Variants in GAL3ST1 observed in about 807,000 individuals in gnomAD.
GAL3ST1 encodes the protein galactosylceramide sulfotransferase.
GAL3ST1 carries 13 observed loss-of-function variants against 25.0 expected under a neutral mutation model. That is an observed-to-expected ratio of 0.52 (90% CI 0.34 to 0.83). GAL3ST1 has a LOEUF of 0.83. GAL3ST1 is among the 40% of genes least tolerant of loss of function. The pLI, the probability that GAL3ST1 is intolerant of heterozygous loss-of-function variation, is 0.02. For synonymous variants in GAL3ST1, 274 were observed against 277.8 expected, an observed-to-expected ratio of 0.99 and a Z score of 0.14; for missense variants, 474 against 613.6, an observed-to-expected ratio of 0.77 and a Z score of 2.40.
At chr22:30,570,172 C>T (rs1194671990) in intron 1 of GAL3ST1, among the ~76,000 whole-genome samples, 3 of 152,228 alleles carry the variant, frequency 2.0e-5, no homozygotes, top group Non-Finnish European at 4.4e-5. Flanking sequence ...GAACAGGGCT[C>T]TGGCAGAGAA....
intron 1 of GAL3ST1, among the ~76,000 whole-genome samples, chr22:30,559,953 T>A (rs978412140): frequency 6.6e-6 from 1 of 152,200 alleles, no homozygotes; most frequent in Non-Finnish European, 1.5e-5. Flanking sequence ...AATAACTACA[T>A]GCATGCATTA....
chr22:30,559,106 C>T lies in GAL3ST1; in HGVS notation c.-119-718G>A, dbSNP rs1384052891. On this transcript the variant is annotated intron_variant, in intron 1 of 3. Coordinates refer to ENST00000406361, the MANE Select transcript of GAL3ST1 (RefSeq NM_001318104.2). ...CCAGGAGGTAGAGGTTGCAGTGAGC[C>T]AAGATGGTGCCACTGTATTCCTGCC... Among the ~76,000 whole-genome samples the T allele has an allele frequency of 4.0e-5, 6 of 151,524 alleles. 1 individual carries two copies. The highest frequency in any genetic ancestry group is 7.4e-5 in the Non-Finnish European group (5 of 67,902).
At position 30,554,682 on chromosome 22, in the gene GAL3ST1, T is replaced by G; in HGVS notation, c.*271A>C. 4.0e-6 allele frequency: 1 copy of G among 247,578 alleles called. No homozygotes were observed. 15.3% of individuals were successfully genotyped at this position (247,578 alleles called of 1,614,324 possible). A position where few individuals can be genotyped will look rare whatever the true frequency, so the allele number is the denominator to read the frequency against. On this transcript the variant is annotated 3_prime_UTR_variant, in exon 4 of 4. Coordinates refer to ENST00000406361, the MANE Select transcript of GAL3ST1 (RefSeq NM_001318104.2). ...TTCCTTTACTTCTGAGGTCTCCCCT[T>G]TAAGGGGAGGCAGAAATAGAACATT...
At chr22:30,568,061 G>A (rs186446821) in intron 1 of GAL3ST1, among the ~76,000 whole-genome samples, 33 of 152,320 alleles carry the variant, frequency 2.2e-4, no homozygotes, top group South Asian at 2.1e-4. Context: ...ATGATAACCC[G>A]GTGCAGAGAA....
intron 1 of GAL3ST1, among the ~76,000 whole-genome samples, chr22:30,568,448 C>T (rs1318123107): frequency 3.9e-5 from 6 of 152,094 alleles, no homozygotes; most frequent in Non-Finnish European, 8.8e-5. Flanking sequence ...ACTGGATGAA[C>T]GGGGTGGTCT....
chr22:30,561,723 C>T (rs1164915451), intron 1 of GAL3ST1, among the ~76,000 whole-genome samples: 1 of 152,134 alleles, frequency 6.6e-6, no homozygotes, highest in Non-Finnish European at 1.5e-5. Context: ...CAGCAGGGTC[C>T]CGTCTCTGTG....
chr22:30,571,017 CTT>C lies in GAL3ST1; in HGVS notation c.-120+3447_-120+3448del, dbSNP rs1170605290. Among the ~76,000 whole-genome samples, 4 of 151,318 alleles carry C rather than the reference CTT, an allele frequency of 2.6e-5. No individual in the cohort carries two copies. The East Asian group carries it at 7.7e-4, about 29-fold the overall frequency. ...ACACACACACACACACACACACACTCTTTACAAAACAGCTTATATTACTTTGG... is the reference window on the plus strand; with the variant it reads ...ACACACACACACACACACACACACTCTACAAAACAGCTTATATTACTTTGG... On this transcript the variant is annotated intron_variant, in intron 1 of 3. Coordinates refer to ENST00000406361, the MANE Select transcript of GAL3ST1 (RefSeq NM_001318104.2).
chr22:30,566,320 G>T (rs145481248), intron 1 of GAL3ST1, among the ~76,000 whole-genome samples: 1 of 152,218 alleles, frequency 6.6e-6, no homozygotes, highest in Non-Finnish European at 1.5e-5. Flanking sequence ...GTTTATTAGC[G>T]TGGACTCTGA....
intron 1 of GAL3ST1, among the ~76,000 whole-genome samples, chr22:30,567,421 C>T (rs998830266): frequency 6.6e-6 from 1 of 151,950 alleles, no homozygotes; most frequent in Non-Finnish European, 1.5e-5. Flanking sequence ...TACAGGTACG[C>T]ACCACCACGC....
intron 1 of GAL3ST1, among the ~76,000 whole-genome samples, chr22:30,566,577 C>T (rs2086632070): frequency 6.6e-6 from 1 of 151,778 alleles, no homozygotes; most frequent in Non-Finnish European, 1.5e-5. Context: ...CCAGCCCTGC[C>T]AGAGGGGTCT....
chr22:30,565,744 C>T lies in GAL3ST1; in HGVS notation c.-119-7356G>A, dbSNP rs111727660. Among the ~76,000 whole-genome samples the T allele has an allele frequency of 4.1e-3, 617 of 152,224 alleles. 13 individuals carry two copies. The highest frequency in any genetic ancestry group is 0.014 in the African/African-American group (580 of 41,518). ...AAGAGGCAGTTCTAGGTGCCCTGGC[C>T]CTAAGCCCCAGGAACCCTAGGACTC... On this transcript the variant is annotated intron_variant, in intron 1 of 3. Coordinates refer to ENST00000406361, the MANE Select transcript of GAL3ST1 (RefSeq NM_001318104.2).
At chr22:30,556,197 G>T in intron 3 of GAL3ST1, 104 bp from the exon 4 acceptor site, 1 of 982,150 alleles carries the variant, frequency 1.0e-6, no homozygotes, top group Non-Finnish European at 1.5e-6. Context: ...TGGCAAAGGA[G>T]CTGGGATAGT....
chr22:30,562,642 T>C (rs77548609), intron 1 of GAL3ST1, among the ~76,000 whole-genome samples: 5,271 of 152,318 alleles, frequency 0.035, 136 homozygotes, highest in Non-Finnish European at 0.053. Context: ...TCCCCGAGCC[T>C]GGCACCTGGT....
Position 30,555,406 on chromosome 22 carries a change from C to G in GAL3ST1, c.819G>C (p.Val273=). 1 of 1,610,098 alleles carries G rather than the reference C, an allele frequency of 6.2e-7. No individual in the cohort carries two copies. The highest frequency in any genetic ancestry group is 1.1e-5 in the South Asian group (1 of 91,082). The change falls in exon 4 of 4, where the codon GTG becomes GTC. Residue 273 remains valine (V), a synonymous_variant. Transcript: ENST00000406361. The surrounding 1 kb of genome is among the most constrained non-coding windows in gnomAD (Gnocchi z 8.6). ...KDLLCWELED[V]LYFKLNARRD... ...GGCGGGCGTTGAGCTTGAAGTAGAG[C>G]ACGTCCTCCAGCTCCCAGCACAGCA...
At position 30,562,826 on chromosome 22, in the gene GAL3ST1, TGCATGTAA is replaced by T. The variant is rs553397303; in HGVS notation, c.-119-4446_-119-4439del. ...ACGAAAGTAATACATGTGAGGCACATGCATGTAAAAGCTCCCATGGGCCAGGCCCGGTG... is the reference window on the plus strand; with the variant it reads ...ACGAAAGTAATACATGTGAGGCACATAAGCTCCCATGGGCCAGGCCCGGTG... On this transcript the variant is annotated intron_variant, in intron 1 of 3. Transcript: ENST00000406361. Among the ~76,000 whole-genome samples the T allele has an allele frequency of 1.4e-4, 21 of 152,308 alleles. No individual in the cohort carries two copies. The South Asian group carries it at 4.4e-3, about 32-fold the overall frequency.
In GAL3ST1 at chr22:30,555,784, G is replaced by C; in HGVS notation, c.441C>G (p.Asp147Glu). ...TGGTCGGCACCAGGCCGCGCACCTC[G>C]TCGTAGTGGAAGCGCATGTGGTTGC... ...IICNHMRFHY[D>E]EVRGLVPTNA... Residue 147 changes from aspartate to glutamate, a missense_variant, in exon 4 of 4, where the codon GAC (aspartate) becomes GAG (glutamate). Around this residue, in one of 2 missense-constraint regions of GAL3ST1, gnomAD observed 359 missense variants for 504.4 expected, o/e 0.71. Coordinates refer to ENST00000406361, the MANE Select transcript of GAL3ST1 (RefSeq NM_001318104.2). The surrounding 1 kb of genome is among the most constrained non-coding windows in gnomAD (Gnocchi z 8.6). The C allele has an allele frequency of 6.2e-7, 1 of 1,614,150 alleles. No homozygotes were observed. The highest frequency in any genetic ancestry group is 8.5e-7 in the Non-Finnish European group (1 of 1,180,032).
intron 1 of GAL3ST1, among the ~76,000 whole-genome samples, chr22:30,559,415 A>AT (rs1568998883): frequency 6.6e-6 from 1 of 151,532 alleles, no homozygotes; most frequent in African/African-American, 2.4e-5. Context: ...TAATTTTTGT[A>AT]TTTTTAGTAG....
intron 1 of GAL3ST1, chr22:30,566,223 C>G (rs542215435): frequency 6.6e-6 from 1 of 152,352 alleles, no homozygotes; most frequent in East Asian, 1.9e-4. Flanking sequence ...ATCCCATTGA[C>G]CTTCTGCCTT....
chr22:30,562,542 C>T (rs2086467311), intron 1 of GAL3ST1, among the ~76,000 whole-genome samples: 1 of 152,194 alleles, frequency 6.6e-6, no homozygotes, highest in African/African-American at 2.4e-5. Context: ...ACCATTGACT[C>T]TGACCCAGCC....
Sources: allele counts gnomAD v4.1 joint callset (sites outside exome capture counted in the v4.1 genomes callset), GRCh38; gene constraint gnomAD v4.1.1; regional missense constraint gnomAD v4.1.1; non-coding constraint Gnocchi (gnomAD v3.1); transcripts MANE v1.5; gene names NCBI Gene and HGNC (gene_info 2026-07-23, HGNC 2026-07-21).